The following RBM10 variants were observed in gnomAD, a reference collection of about 807,000 sequenced individuals.
The protein encoded by RBM10 is RNA binding motif protein 10, also known as RNA-binding protein 10.
RBM10 carries 1 observed loss-of-function variant against 84.9 expected under a neutral mutation model. The observed-to-expected ratio is 0.01, with a 90% CI of 0.00 to 0.06. The LOEUF (loss-of-function observed/expected upper bound fraction) is 0.06, where lower values mean the gene tolerates loss of function less well. Ranked by LOEUF, RBM10 falls within the 10% of genes least tolerant of loss-of-function variation. RBM10 has a pLI of 1.00. For synonymous variants in RBM10, 326 were observed against 344.5 expected (o/e 0.95, Z 0.60); for missense variants, 438 against 839.0 (o/e 0.52, Z 5.90).
At chrX:47,146,842 G>T (rs782340137) in intron 1 of RBM10, among the ~76,000 whole-genome samples, 6 of 111,351 alleles carry the variant, frequency 5.4e-5, no homozygotes, top group Admixed American at 1.9e-4. Context: ...CCCCCCAAGA[G>T]CCTTTCATGG....
chrX:47,154,135 T>C (rs1932910863), intron 2 of RBM10, among the ~76,000 whole-genome samples: 1 of 112,128 alleles, frequency 8.9e-6, no homozygotes, highest in Non-Finnish European at 1.9e-5. Flanking sequence ...TAGCATTTTA[T>C]ATTTTCTAGA....
At chrX:47,149,410 G>A (rs1932600855) in intron 2 of RBM10, among the ~76,000 whole-genome samples, 1 of 112,021 alleles carries the variant, frequency 8.9e-6, no homozygotes, top group Non-Finnish European at 1.9e-5. Context: ...GCCCAGGCTG[G>A]AGTGCAATGG....
chrX:47,176,226 G>A (rs1261100569), intron 6 of RBM10, among the ~76,000 whole-genome samples: 9 of 110,040 alleles, frequency 8.2e-5, no homozygotes, highest in African/African-American at 3.0e-4. Flanking sequence ...CCCACTGTCC[G>A]GCAAGCGTCG....
rs1556765593 is a variant in RBM10, at chrX:47,157,751, G to A, written c.17+10253G>A. On this transcript the variant is annotated intron_variant, in intron 2 of 23. Coordinates refer to ENST00000377604, the MANE Select transcript of RBM10 (RefSeq NM_005676.5). ...TGACGTCCAGGGGTCCCTGCTCCTC[G>A]ATTGGCCGGCTGAGGTTCAGCTGCA... 4 of 465,299 alleles carry A rather than the reference G, an allele frequency of 8.6e-6. No homozygotes were observed. In the Admixed American group the frequency reaches 1.3e-4, roughly 15 times the overall value. 38.3% of individuals were successfully genotyped at this position (465,299 alleles called of 1,213,427 possible).
In RBM10 at chrX:47,171,354, G is replaced by A. The variant is rs1934656333; in HGVS notation, c.432+96G>A. 9 of 1,122,557 alleles carry A rather than the reference G, an allele frequency of 8.0e-6. No homozygotes were observed. The East Asian group carries it at 1.3e-4, about 16-fold the overall frequency. 92.5% of individuals were successfully genotyped at this position (1,122,557 alleles called of 1,213,427 possible). ...CCCCTCCCTCACCTGCAACCTCAGC[G>A]CCTTTCATCCCTTCTCCCCCTCCAG... On this transcript the variant is annotated intron_variant, in intron 4 of 23. Coordinates refer to ENST00000377604, the MANE Select transcript of RBM10 (RefSeq NM_005676.5).
rs1556780280 is a variant in RBM10, at chrX:47,182,274, C to T, written c.1898C>T (p.Ser633Leu). 1.7e-6 allele frequency: 2 copies of T among 1,209,522 alleles called. No individual in the cohort carries two copies. Among genetic ancestry groups the T allele is most frequent in the Non-Finnish European group, 2.2e-6 (2 of 894,759 alleles). Residue 633 changes from serine (S) to leucine (L), a missense_variant, in exon 17 of 24, where the codon TCG (serine) becomes TTG (leucine). By Grantham distance (145) the Ser-to-Leu change is moderately radical. Around this residue, in one of 8 missense-constraint regions of RBM10, gnomAD observed 39 missense variants for 119.5 expected, o/e 0.33. Transcript: ENST00000377604. ...GGACATAAGGAGACAGGGGCACCCT[C>T]GAAGGAGGGCAAAGAGAAGAAGGAG... Reference protein sequence around the residue: ...ADGHKETGAPSKEGKEKKEKH... With the variant: ...ADGHKETGAPLKEGKEKKEKH...
chrX:47,181,991 C>T lies in RBM10; in HGVS notation c.1734C>T (p.Ser578=), dbSNP rs369261759. The stretch of plus-strand genomic sequence containing the variant: ...CTACCTACCAGTACGATGAGACCTC[C>T]GGCTACTACTATGACCCCCAGACCG... ...DVSTYQYDET[S]GYYYDPQTGL... is the part of the protein sequence containing the mutation. Residue 578 remains serine (S), a synonymous_variant, in exon 16 of 24, where the codon TCC becomes TCT. Coordinates refer to ENST00000377604, the MANE Select transcript of RBM10 (RefSeq NM_005676.5). 3.3e-6 allele frequency: 4 copies of T among 1,209,185 alleles called. No individual in the cohort carries two copies. Among genetic ancestry groups the T allele is most frequent in the East Asian group, 5.9e-5 (2 of 33,743 alleles).
chrX:47,158,767 A>G (rs1464495676), intron 2 of RBM10, among the ~76,000 whole-genome samples: 2 of 111,697 alleles, frequency 1.8e-5, no homozygotes, highest in African/African-American at 3.3e-5. Context: ...TGATCCCATC[A>G]CCCAAGCAGT....
chrX:47,179,793 C>A (rs2147171318), intron 9 of RBM10, 87 bp from the exon 10 acceptor site: 1 of 1,070,587 alleles, frequency 9.3e-7, no homozygotes, highest in Non-Finnish European at 1.3e-6. Context: ...TGAGTGGGGG[C>A]AGAGGAAAGG....
Position 47,179,177 on chromosome X carries a change from A to T in RBM10, c.724+14A>T, listed in dbSNP as rs1556777576. On this transcript the variant is annotated intron_variant, in intron 8 of 23. Coordinates refer to ENST00000377604, the MANE Select transcript of RBM10 (RefSeq NM_005676.5). ...TGCCCAAGTCAGGTGAGGCCCACCT[A>T]CCTCTCGTGCTCTCCAGGGCGGAGC... The T allele has an allele frequency of 8.3e-7, 1 of 1,207,202 alleles. No homozygotes were observed. The highest frequency in any genetic ancestry group is 2.2e-5 in the Admixed American group (1 of 45,689).
chrX:47,173,136 C>G lies in RBM10; in HGVS notation c.441C>G (p.Gly147=), dbSNP rs1934797833. ...PQAATEDDIR[G]QLQSHGVQAR... ...TGTATCTCCCCGTATAGATCCGTGG[C>G]CAGCTGCAGTCGCACGGCGTGCAAG... The change falls in exon 5 of 24, where the codon GGC becomes GGG. Residue 147 remains glycine (G), a synonymous_variant. Coordinates refer to ENST00000377604, the MANE Select transcript of RBM10 (RefSeq NM_005676.5). 1.6e-6 allele frequency: 2 copies of G among 1,212,383 alleles called. No individual in the cohort carries two copies. Among genetic ancestry groups the G allele is most frequent in the Non-Finnish European group, 1.1e-6 (1 of 895,638 alleles).
At chrX:47,169,249 T>A in intron 2 of RBM10, 66 bp from the exon 3 acceptor site, 1 of 1,078,273 alleles carries the variant, frequency 9.3e-7, no homozygotes, top group Non-Finnish European at 1.3e-6. Context: ...ACACATCACC[T>A]GGGCCTCTTG....
At chrX:47,184,433 G>A (rs996446125) in intron 17 of RBM10, among the ~76,000 whole-genome samples, 1 of 112,668 alleles carries the variant, frequency 8.9e-6, no homozygotes, top group Non-Finnish European at 1.9e-5. Flanking sequence ...ACTCAGCCGG[G>A]ATAAAGGCTC....
At chrX:47,182,073 C>T (rs781955306) in intron 16 of RBM10, 31 bp downstream of exon 16, 13 of 1,208,737 alleles carry the variant, frequency 1.1e-5, no homozygotes, top group South Asian at 1.8e-5. Flanking sequence ...GGGATGGGAT[C>T]GGGTCAGGTC....
intron 2 of RBM10, among the ~76,000 whole-genome samples, chrX:47,152,012 G>A (rs781879159): frequency 2.6e-4 from 29 of 111,125 alleles, no homozygotes; most frequent in Non-Finnish European, 3.4e-4. Context: ...AGGAGTTCAA[G>A]ACCAGCCTGG....
At chrX:47,164,047 T>C (rs1569179366) in intron 2 of RBM10, among the ~76,000 whole-genome samples, 1 of 108,296 alleles carries the variant, frequency 9.2e-6, no homozygotes, top group Non-Finnish European at 1.9e-5. Context: ...TTTTTGTATT[T>C]TTTAGTAGAG....
chrX:47,164,796 A>G (rs1435140286), intron 2 of RBM10, among the ~76,000 whole-genome samples: 2 of 112,237 alleles, frequency 1.8e-5, no homozygotes, highest in African/African-American at 6.5e-5. Flanking sequence ...TGAAAGCAAT[A>G]ATTCAAACAG....
intron 6 of RBM10, among the ~76,000 whole-genome samples, 184 bp from the exon 7 acceptor site, chrX:47,176,316 G>GCCCGA (rs1486091081): frequency 1.8e-5 from 2 of 111,904 alleles, no homozygotes; most frequent in Non-Finnish European, 3.8e-5. Flanking sequence ...AAACAGCTGC[G>GCCCGA]CCCGAGAGCT....
At chrX:47,148,235 A>T (rs1263958209) in intron 2 of RBM10, among the ~76,000 whole-genome samples, 1 of 112,585 alleles carries the variant, frequency 8.9e-6, no homozygotes. Context: ...TTGTTTTCTG[A>T]AAAGTGAGCC....
Sources: gnomAD v4.1 joint callset for allele counts (sites outside exome capture counted in the v4.1 genomes callset) on GRCh38, gnomAD v4.1.1 for gene constraint, gnomAD v4.1.1 regional missense constraint, MANE v1.5 for transcripts, NCBI Gene and HGNC (gene_info 2026-07-23, HGNC 2026-07-21) for gene names.